GRIN2A: variants seen among roughly 807,000 people sequenced by gnomAD.
GRIN2A encodes the protein glutamate ionotropic receptor NMDA type subunit 2A, also known as glutamate receptor ionotropic, NMDA 2A.
A neutral mutation model predicts 113.4 loss-of-function variants in GRIN2A; 22 were observed. The observed-to-expected ratio is 0.19, with a 90% CI of 0.14 to 0.28. GRIN2A has a LOEUF of 0.28. GRIN2A is among the 10% of genes least tolerant of loss of function. The pLI, the probability that GRIN2A is intolerant of heterozygous loss-of-function variation, is 1.00. For synonymous variants in GRIN2A, 827 were observed against 738.4 expected, an observed-to-expected ratio of 1.12 and a Z score of -1.94; for missense variants, 1,502 against 1,887.0, an observed-to-expected ratio of 0.80 and a Z score of 3.78.
intron 2 of GRIN2A, among the ~76,000 whole-genome samples, chr16:9,976,542 C>T (rs1445219101): frequency 6.6e-6 from 1 of 152,200 alleles, no homozygotes; most frequent in Non-Finnish European, 1.5e-5. Context: ...TGAAACCCAA[C>T]AGAAAACTGC....
rs903996899 is a variant in GRIN2A, at chr16:9,849,761, T to G, written c.1323A>C (p.Lys441Asn). The G allele has an allele frequency of 6.2e-7, 1 of 1,613,772 alleles. No homozygotes were observed. Among genetic ancestry groups the G allele is most frequent in the East Asian group, 2.2e-5 (1 of 44,874 alleles). Reference sequence around the variant, plus strand: ...ACAGCATTCCTGCCACTCACTTGATTTTGACGAACTTCCGACATGGCACGG... The same window carrying G: ...ACAGCATTCCTGCCACTCACTTGATGTTGACGAACTTCCGACATGGCACGG... ...RNTVPCRKFVKINNSTNEGMN... is the reference protein window; with the variant it reads ...RNTVPCRKFVNINNSTNEGMN... Residue 441 changes from lysine to asparagine, a missense_variant, in exon 5 of 13, where the codon AAA (lysine) becomes AAC (asparagine). By Grantham distance (94) the Lys-to-Asn change is moderately conservative (BLOSUM62 0). Around this residue, in one of 7 missense-constraint regions of GRIN2A, gnomAD observed 334 missense variants for 403.0 expected, o/e 0.83. Coordinates refer to ENST00000330684, the MANE Select transcript of GRIN2A (RefSeq NM_001134407.3).
chr16:9,765,985 G>A (rs887015700), intron 12 of GRIN2A, among the ~76,000 whole-genome samples: 4 of 152,156 alleles, frequency 2.6e-5, no homozygotes, highest in Non-Finnish European at 5.9e-5. Flanking sequence ...CTGTTCAACT[G>A]TTATCAAGGG....
At chr16:9,933,988 G>A (rs371461847) in intron 3 of GRIN2A, among the ~76,000 whole-genome samples, 1 of 152,192 alleles carries the variant, frequency 6.6e-6, no homozygotes, top group Non-Finnish European at 1.5e-5. Flanking sequence ...ACATGGATTT[G>A]GATGTAAACC....
intron 5 of GRIN2A, among the ~76,000 whole-genome samples, chr16:9,846,860 C>T (rs1414835841): frequency 1.3e-5 from 2 of 152,202 alleles, no homozygotes; most frequent in African/African-American, 4.8e-5. Context: ...TTCTGTGAGT[C>T]TCCTGTGAGG....
chr16:9,980,430 A>G (rs112322573), intron 2 of GRIN2A, among the ~76,000 whole-genome samples: 8 of 152,240 alleles, frequency 5.3e-5, no homozygotes, highest in African/African-American at 1.7e-4. Context: ...TCGGTGTGGC[A>G]ATTCCTCAGG....
intron 2 of GRIN2A, among the ~76,000 whole-genome samples, chr16:10,034,159 C>T (rs895477884): frequency 6.6e-6 from 1 of 152,098 alleles, no homozygotes; most frequent in Non-Finnish European, 1.5e-5. Flanking sequence ...ATAAGTGTCC[C>T]ATAGACAAAG....
chr16:10,138,425 A>T (rs1049698916), intron 2 of GRIN2A, among the ~76,000 whole-genome samples: 5 of 152,206 alleles, frequency 3.3e-5, no homozygotes, highest in Non-Finnish European at 7.3e-5. Context: ...GGAAGCGAGG[A>T]ACATCTCACA....
Position 9,763,732 on chromosome 16 carries a change from C to G in GRIN2A, c.3812G>C (p.Trp1271Ser). The G allele has an allele frequency of 6.2e-7, 1 of 1,614,112 alleles. No homozygotes were observed. The highest frequency in any genetic ancestry group is 8.5e-7 in the Non-Finnish European group (1 of 1,179,998). ...ATGEQVYQQD[W>S]AQNNALQLQK... Reference sequence around the variant, plus strand: ...TAATTGAAGGGCATTGTTCTGTGCCCAGTCCTGCTGGTAGACCTGCTCCCC... The same window carrying G: ...TAATTGAAGGGCATTGTTCTGTGCCGAGTCCTGCTGGTAGACCTGCTCCCC... Residue 1271 changes from tryptophan to serine, a missense_variant, in exon 13 of 13, where the codon TGG (tryptophan) becomes TCG (serine). Transcript: ENST00000330684.
intron 2 of GRIN2A, among the ~76,000 whole-genome samples, chr16:10,125,039 C>T (rs776189756): frequency 6.6e-5 from 10 of 152,146 alleles, no homozygotes; most frequent in African/African-American, 2.4e-4. Context: ...CAAAAAAGCA[C>T]GTAGTGCCCA....
intron 2 of GRIN2A, among the ~76,000 whole-genome samples, chr16:10,172,142 C>T (rs1199004662): frequency 6.6e-6 from 1 of 152,154 alleles, no homozygotes; most frequent in East Asian, 1.9e-4. Flanking sequence ...AATTTTGTCC[C>T]AAATCCTCAT....
chr16:10,111,993 CA>C, intron 2 of GRIN2A: 1 of 673,320 alleles, frequency 1.5e-6, no homozygotes, highest in Non-Finnish European at 2.7e-6. Flanking sequence ...TTCAGCCTAG[CA>C]AGGGAAGCTG....
intron 2 of GRIN2A, among the ~76,000 whole-genome samples, chr16:9,958,016 G>C (rs1237243313): frequency 6.6e-6 from 1 of 152,184 alleles, no homozygotes; most frequent in Non-Finnish European, 1.5e-5. Context: ...CCAGGAAAGA[G>C]AGATAGTGAT....
chr16:9,872,916 T>G (rs68096450), intron 4 of GRIN2A, among the ~76,000 whole-genome samples: 34,303 of 151,868 alleles, frequency 0.23, 4,013 homozygotes, highest in African/African-American at 0.25. Flanking sequence ...ATGGTGGCAC[T>G]TGCCTATAGT....
At chr16:9,941,460 G>A (rs1427902351) in intron 2 of GRIN2A, among the ~76,000 whole-genome samples, 4 of 152,200 alleles carry the variant, frequency 2.6e-5, no homozygotes, top group South Asian at 2.1e-4. Context: ...GAGCCAGCTC[G>A]GCACAGGCCA....
At chr16:9,952,693 G>A (rs559262387) in intron 2 of GRIN2A, among the ~76,000 whole-genome samples, 26 of 152,222 alleles carry the variant, frequency 1.7e-4, no homozygotes, top group Middle Eastern at 3.4e-3. Flanking sequence ...CATGAAGTCA[G>A]GTATATTCTG....
Position 9,798,287 on chromosome 16 carries a change from A to T in GRIN2A, c.2346T>A (p.Phe782Leu). 1 of 1,613,954 alleles carries T rather than the reference A, an allele frequency of 6.2e-7. No homozygotes were observed. Among genetic ancestry groups the T allele is most frequent in the East Asian group, 2.2e-5 (1 of 44,830 alleles). ...CACCCGGGGTCTTACCATCACCCAC[A>T]AACTGAAGCAAGGCCAGGTCGATCT... ...KRQIDLALLQFVGDGEMEELE... is the reference protein window; with the variant it reads ...KRQIDLALLQLVGDGEMEELE... Residue 782 changes from phenylalanine (F) to leucine (L), a missense_variant, in exon 11 of 13, where the codon TTT (phenylalanine) becomes TTA (leucine). Physicochemically the swap from Phe to Leu is conservative, Grantham distance 22 (BLOSUM62 0). Transcript: ENST00000330684.
chr16:10,079,644 T>C (rs2047942030), intron 2 of GRIN2A, among the ~76,000 whole-genome samples: 1 of 152,196 alleles, frequency 6.6e-6, no homozygotes, highest in Non-Finnish European at 1.5e-5. Context: ...GACAGCCATC[T>C]ATGAAAAAGG....
chr16:9,828,941 T>G (rs776332932), intron 9 of GRIN2A, among the ~76,000 whole-genome samples: 1 of 152,194 alleles, frequency 6.6e-6, no homozygotes, highest in African/African-American at 2.4e-5. Context: ...TTTGGCTGTA[T>G]GGAAAAGAGG....
At chr16:10,157,399 A>G (rs1821889743) in intron 2 of GRIN2A, among the ~76,000 whole-genome samples, 1 of 152,230 alleles carries the variant, frequency 6.6e-6, no homozygotes, top group Non-Finnish European at 1.5e-5. Flanking sequence ...CCTTTCTAAC[A>G]CTTGCTAATT....
Sources: allele counts gnomAD v4.1 joint callset (sites outside exome capture counted in the v4.1 genomes callset), GRCh38; gene constraint gnomAD v4.1.1; regional missense constraint gnomAD v4.1.1; transcripts MANE v1.5; gene names NCBI Gene and HGNC (gene_info 2026-07-23, HGNC 2026-07-21).